ATP2B4: variants seen among roughly 807,000 people sequenced by gnomAD.
ATP2B4 encodes the protein plasma membrane calcium-transporting ATPase 4.
Under a neutral mutation model 110.3 loss-of-function variants are expected in ATP2B4, and 39 were observed. That is an observed-to-expected ratio of 0.35 (90% CI 0.27 to 0.46). The LOEUF (loss-of-function observed/expected upper bound fraction) is 0.46, where lower values mean the gene tolerates loss of function less well. Among genes scored for constraint, ATP2B4 ranks in the 20% least tolerant of loss-of-function variants. The pLI, the probability that ATP2B4 is intolerant of heterozygous loss-of-function variation, is 1.00. For missense variants in ATP2B4, 1,135 were observed against 1,530.9 expected, an observed-to-expected ratio of 0.74 and a Z score of 4.32; for synonymous variants, 538 against 571.7, an observed-to-expected ratio of 0.94 and a Z score of 0.84.
At chr1:203,648,503 C>T (rs1482749905) in intron 1 of ATP2B4, among the ~76,000 whole-genome samples, 4 of 152,056 alleles carry the variant, frequency 2.6e-5, no homozygotes, top group African/African-American at 4.8e-5. Flanking sequence ...AATGACAGCC[C>T]GAGGTGCCAG....
At chr1:203,688,584 G>A (rs1665274871) in intron 2 of ATP2B4, among the ~76,000 whole-genome samples, 2 of 152,150 alleles carry the variant, frequency 1.3e-5, no homozygotes, top group African/African-American at 4.8e-5. Context: ...TTACAGGCAT[G>A]AGCCCTCATG....
At chr1:203,725,580 G>C (rs1666484706) in intron 19 of ATP2B4, among the ~76,000 whole-genome samples, 1 of 152,188 alleles carries the variant, frequency 6.6e-6, no homozygotes. Context: ...AATGAATAAT[G>C]TCTTATTCCT....
intron 2 of ATP2B4, 44 bp from the exon 3 acceptor site, chr1:203,698,113 C>A (rs749778518): frequency 1.3e-6 from 2 of 1,587,998 alleles, no homozygotes; most frequent in African/African-American, 2.7e-5. Flanking sequence ...TTATCATTTT[C>A]CTTTTTTCCT....
intron 1 of ATP2B4, among the ~76,000 whole-genome samples, chr1:203,660,101 G>C (rs867980522): frequency 6.9e-6 from 1 of 145,836 alleles, no homozygotes; most frequent in Non-Finnish European, 1.5e-5. Flanking sequence ...AAAAAAAAAA[G>C]AAAGAAAGAA....
At chr1:203,723,426 C>A (rs1433467425) in intron 18 of ATP2B4, among the ~76,000 whole-genome samples, 2 of 114,050 alleles carry the variant, frequency 1.8e-5, no homozygotes, top group African/African-American at 3.5e-5. Flanking sequence ...AGATATCTCT[C>A]TCTCTCTCTC....
At chr1:203,669,767 C>T (rs1436655860) in intron 1 of ATP2B4, among the ~76,000 whole-genome samples, 1 of 152,174 alleles carries the variant, frequency 6.6e-6, no homozygotes, top group East Asian at 1.9e-4. Context: ...TTTTCCTTCC[C>T]TTGGAAACAG....
chr1:203,720,509 T>C lies in ATP2B4; in HGVS notation c.2407-40T>C, dbSNP rs765631970. The C allele has an allele frequency of 1.9e-6, 3 of 1,558,972 alleles. No homozygotes were observed. In the African/African-American group the frequency reaches 4.1e-5, roughly 21 times the overall value. ...AGGTCAGGAAATGGAGCCTGGGCTT[T>C]ATCCACTCCCTCACTGTTTTCCCTC... On this transcript the variant is annotated intron_variant, in intron 15 of 20. Coordinates refer to ENST00000357681, the MANE Select transcript of ATP2B4 (RefSeq NM_001684.5).
chr1:203,656,927 G>A, intron 1 of ATP2B4: 2 of 620,538 alleles, frequency 3.2e-6, no homozygotes, highest in Non-Finnish European at 5.8e-6. Context: ...AGTTTTTTCA[G>A]TTGGTGTGTA....
chr1:203,726,320 G>A (rs185536243), intron 19 of ATP2B4, among the ~76,000 whole-genome samples: 10 of 152,060 alleles, frequency 6.6e-5, no homozygotes, highest in East Asian at 2.0e-4. Flanking sequence ...CTCCTGCCTC[G>A]GCCTCCCGAA....
chr1:203,678,942 T>A (rs1052715614), intron 1 of ATP2B4, among the ~76,000 whole-genome samples: 7 of 152,228 alleles, frequency 4.6e-5, no homozygotes, highest in African/African-American at 1.7e-4. Context: ...CTACAAATTA[T>A]AGAACAGATG....
intron 2 of ATP2B4, among the ~76,000 whole-genome samples, chr1:203,692,070 C>T (rs1047746808): frequency 1.4e-4 from 21 of 151,714 alleles, no homozygotes; most frequent in Non-Finnish European, 3.1e-4. Flanking sequence ...TTAGTAGAGA[C>T]GGGGTTTCAC....
chr1:203,718,014 GGT>G (rs1287650729), intron 15 of ATP2B4, among the ~76,000 whole-genome samples: 1 of 152,026 alleles, frequency 6.6e-6, no homozygotes, highest in Non-Finnish European at 1.5e-5. Context: ...GGAACTCAAA[GGT>G]GTTCCTTGCT....
At position 203,707,858 on chromosome 1, in the gene ATP2B4, G is replaced by C. The variant is rs773832904; in HGVS notation, c.1315-4G>C. 2 of 1,613,556 alleles carry C rather than the reference G, an allele frequency of 1.2e-6. No individual in the cohort carries two copies. Among genetic ancestry groups the C allele is most frequent in the Non-Finnish European group, 1.7e-6 (2 of 1,179,522 alleles). ...TCTCAAGTCTTTTCTCTTCTCCTTT[G>C]TAGAAAATGATGAAAGACAATAACC... is the stretch of plus-strand genomic sequence containing the variant. On this transcript the variant is annotated splice_region_variant and splice_polypyrimidine_tract_variant and intron_variant, in intron 9 of 20. Transcript: ENST00000357681.
intron 1 of ATP2B4, among the ~76,000 whole-genome samples, chr1:203,636,948 C>T (rs1383273320): frequency 6.6e-6 from 1 of 152,146 alleles, no homozygotes; most frequent in Non-Finnish European, 1.5e-5. Flanking sequence ...GGGAGTAGAA[C>T]AGGTTCTAAG....
chr1:203,721,454 A>G (rs747350722), intron 17 of ATP2B4, 44 bp downstream of exon 17: 31 of 1,579,662 alleles, frequency 2.0e-5, no homozygotes, highest in Admixed American at 1.3e-4. Context: ...TCCTGGTTGG[A>G]GGTGGGGGCA....
chr1:203,701,582 T>C (rs1665694054), intron 6 of ATP2B4, among the ~76,000 whole-genome samples: 1 of 152,206 alleles, frequency 6.6e-6, no homozygotes, highest in African/African-American at 2.4e-5. Flanking sequence ...GGACAGTTTA[T>C]GAAAAGGAAA....
chr1:203,629,134 A>T lies in ATP2B4; in HGVS notation c.-465+1915A>T, dbSNP rs898776986. 1.3e-5 allele frequency among the ~76,000 whole-genome samples: 2 copies of T among 152,124 alleles called. No homozygotes were observed. Among genetic ancestry groups the T allele is most frequent in the Non-Finnish European group, 2.9e-5 (2 of 68,012 alleles). ...ATGCAACAGGAACGATTTGATTTTCACTTTGAGGTGTTGATTGATCTGACT... is the reference window on the plus strand; with the variant it reads ...ATGCAACAGGAACGATTTGATTTTCTCTTTGAGGTGTTGATTGATCTGACT... On this transcript the variant is annotated intron_variant, in intron 1 of 20. Coordinates refer to ENST00000357681, the MANE Select transcript of ATP2B4 (RefSeq NM_001684.5). This position sits in a 1 kb window ranked among gnomAD's most constrained non-coding sequence, Gnocchi z 4.6.
chr1:203,631,858 G>A (rs1312831611), intron 1 of ATP2B4, among the ~76,000 whole-genome samples: 3 of 152,118 alleles, frequency 2.0e-5, no homozygotes, highest in African/African-American at 4.8e-5. Flanking sequence ...GCAGCGGCGC[G>A]ATCTCAGCTC....
chr1:203,737,721 C>A (rs1666908344), intron 20 of ATP2B4, among the ~76,000 whole-genome samples: 1 of 152,158 alleles, frequency 6.6e-6, no homozygotes, highest in Non-Finnish European at 1.5e-5. Flanking sequence ...GAGTGTGTGC[C>A]TGTGCTCCCT....
Sources: gnomAD v4.1 joint callset for allele counts (sites outside exome capture counted in the v4.1 genomes callset) on GRCh38, gnomAD v4.1.1 for gene constraint, Gnocchi (gnomAD v3.1) non-coding constraint, MANE v1.5 for transcripts, NCBI Gene and HGNC (gene_info 2026-07-23, HGNC 2026-07-21) for gene names.